Variants in LRFN2 observed in about 807,000 individuals in gnomAD.
LRFN2 encodes leucine rich repeat and fibronectin type III domain containing 2.
A neutral mutation model predicts 37.3 loss-of-function variants in LRFN2; 18 were observed. The observed-to-expected ratio is 0.48, with a 90% CI of 0.33 to 0.72. The LOEUF (loss-of-function observed/expected upper bound fraction) is 0.72. Ranked by LOEUF, LRFN2 falls within the 30% of genes least tolerant of loss-of-function variation. LRFN2 has a pLI of 0.02. For synonymous variants in LRFN2, 556 were observed against 466.6 expected (o/e 1.19, Z -2.47); for missense variants, 1,006 against 1,060.7 (o/e 0.95, Z 0.72).
At chr6:40,524,974 C>G (rs1486756234) in intron 1 of LRFN2, among the ~76,000 whole-genome samples, 1 of 152,244 alleles carries the variant, frequency 6.6e-6, no homozygotes, top group Non-Finnish European at 1.5e-5. Flanking sequence ...CGGTTCTAGT[C>G]TTGGCACTGA....
chr6:40,463,652 T>C (rs1361309858), intron 1 of LRFN2, among the ~76,000 whole-genome samples: 1 of 149,524 alleles, frequency 6.7e-6, no homozygotes, highest in Admixed American at 6.8e-5. Context: ...GCATACATCA[T>C]ACTATTTCTT....
chr6:40,456,654 T>A (rs972488507), intron 1 of LRFN2, among the ~76,000 whole-genome samples: 1 of 152,226 alleles, frequency 6.6e-6, no homozygotes, highest in African/African-American at 2.4e-5. Flanking sequence ...CTGAAGGGAA[T>A]ATTTAATACT....
At chr6:40,436,537 T>A (rs150380928) in intron 1 of LRFN2, among the ~76,000 whole-genome samples, 53 of 150,942 alleles carry the variant, frequency 3.5e-4, no homozygotes, top group African/African-American at 1.3e-3. Context: ...ATTAAAAGCC[T>A]TGGCCAAAGT....
At chr6:40,454,831 T>C (rs567264814) in intron 1 of LRFN2, among the ~76,000 whole-genome samples, 8 of 152,352 alleles carry the variant, frequency 5.3e-5, no homozygotes, top group African/African-American at 1.9e-4. Context: ...AGCTTACCCA[T>C]ATGTGAAATG....
intron 1 of LRFN2, among the ~76,000 whole-genome samples, chr6:40,462,858 C>T (rs561658147): frequency 1.3e-5 from 2 of 152,260 alleles, no homozygotes; most frequent in African/African-American, 4.8e-5. Flanking sequence ...CCCAATGTAC[C>T]CTTGCCTAGT....
intron 1 of LRFN2, among the ~76,000 whole-genome samples, 189 bp from the exon 2 acceptor site, chr6:40,433,320 A>G (rs1314563854): frequency 6.6e-6 from 1 of 152,188 alleles, no homozygotes; most frequent in Non-Finnish European, 1.5e-5. Flanking sequence ...CCTTAGCTTT[A>G]TCACCTTCTA....
chr6:40,489,528 A>C (rs559845617), intron 1 of LRFN2, among the ~76,000 whole-genome samples: 4 of 152,180 alleles, frequency 2.6e-5, no homozygotes, highest in East Asian at 3.9e-4. Context: ...AGCGTCTGGG[A>C]CACACAGGGG....
chr6:40,431,561 C>G (rs912708492), intron 2 of LRFN2, among the ~76,000 whole-genome samples, 153 bp downstream of exon 2: 35 of 152,204 alleles, frequency 2.3e-4, no homozygotes, highest in African/African-American at 8.0e-4. Context: ...TTTATCTCCT[C>G]TTACCTGCAC....
chr6:40,462,963 C>T (rs927094668), intron 1 of LRFN2, among the ~76,000 whole-genome samples: 2 of 152,152 alleles, frequency 1.3e-5, no homozygotes, highest in Admixed American at 6.5e-5. Flanking sequence ...CAAGTTCTGG[C>T]CAATGAAGTG....
At chr6:40,568,967 A>AGACC (rs1767139046) in intron 1 of LRFN2, among the ~76,000 whole-genome samples, 1 of 152,192 alleles carries the variant, frequency 6.6e-6, no homozygotes, top group Admixed American at 6.5e-5. Flanking sequence ...GACTTGCCCA[A>AGACC]GACCACACAG....
chr6:40,403,348 G>A (rs539045590), intron 2 of LRFN2, among the ~76,000 whole-genome samples: 123 of 152,280 alleles, frequency 8.1e-4, no homozygotes, highest in African/African-American at 2.8e-3. Flanking sequence ...AGAGTGGGAC[G>A]ATCATGGAGC....
chr6:40,476,381 T>TGTGTC (rs1764710034), intron 1 of LRFN2, among the ~76,000 whole-genome samples: 1 of 152,236 alleles, frequency 6.6e-6, no homozygotes, highest in Non-Finnish European at 1.5e-5. Flanking sequence ...CCGTCTTGAA[T>TGTGTC]TCCCTTTGAA....
At chr6:40,420,122 C>T (rs1338547236) in intron 2 of LRFN2, among the ~76,000 whole-genome samples, 1 of 152,216 alleles carries the variant, frequency 6.6e-6, no homozygotes, top group Non-Finnish European at 1.5e-5. Context: ...GCGGAGCCCA[C>T]CTTTGGAGCC....
intron 1 of LRFN2, chr6:40,517,640 G>A (rs1416049806): frequency 2.0e-5 from 3 of 152,120 alleles, no homozygotes; most frequent in Non-Finnish European, 4.4e-5. Context: ...CTGCCCCGAT[G>A]CCTCCCTAAC....
Position 40,392,968 on chromosome 6 carries a change from G to T in LRFN2, c.1401-56C>A. The T allele has an allele frequency of 1.4e-6, 2 of 1,400,088 alleles. No individual in the cohort carries two copies. The highest frequency in any genetic ancestry group is 2.6e-5 in the South Asian group (2 of 78,194). 86.7% of individuals were successfully genotyped at this position (1,400,088 alleles called of 1,614,324 possible). On this transcript the variant is annotated intron_variant, in intron 2 of 2. Coordinates refer to ENST00000338305, the MANE Select transcript of LRFN2 (RefSeq NM_020737.3). The surrounding 1 kb of genome is among the most constrained non-coding windows in gnomAD (Gnocchi z 4.7). Reference sequence around the variant, plus strand: ...GGGTGGTGGGGTGGAAGGACAGGGTGATGGGGAGTGGACAGAGGTAGAAAC... The same window carrying T: ...GGGTGGTGGGGTGGAAGGACAGGGTTATGGGGAGTGGACAGAGGTAGAAAC...
intron 1 of LRFN2, among the ~76,000 whole-genome samples, chr6:40,447,014 G>A (rs1763986414): frequency 6.6e-6 from 1 of 150,486 alleles, no homozygotes. Flanking sequence ...CTGGGATTGG[G>A]GCTGCGTCTC....
At chr6:40,536,996 C>T (rs764271239) in intron 1 of LRFN2, among the ~76,000 whole-genome samples, 1 of 152,188 alleles carries the variant, frequency 6.6e-6, no homozygotes, top group Non-Finnish European at 1.5e-5. Flanking sequence ...TATTATTATT[C>T]CTGTCTTCAA....
intron 1 of LRFN2, among the ~76,000 whole-genome samples, chr6:40,512,227 GC>G (rs1765730894): frequency 6.6e-6 from 1 of 152,124 alleles, no homozygotes; most frequent in Non-Finnish European, 1.5e-5. Context: ...AAGACCCAAG[GC>G]CTCCAGTCTC....
chr6:40,413,388 G>T (rs1763015353), intron 2 of LRFN2, among the ~76,000 whole-genome samples: 1 of 152,106 alleles, frequency 6.6e-6, no homozygotes, highest in South Asian at 2.1e-4. Flanking sequence ...ACTCAGCACT[G>T]GGCCTGGGCC....
Sources: allele counts gnomAD v4.1 joint callset (sites outside exome capture counted in the v4.1 genomes callset), GRCh38; gene constraint gnomAD v4.1.1; non-coding constraint Gnocchi (gnomAD v3.1); transcripts MANE v1.5; gene names NCBI Gene and HGNC (gene_info 2026-07-23, HGNC 2026-07-21).